WWOX: variants seen among roughly 807,000 people sequenced by gnomAD.
The protein encoded by WWOX is WW domain-containing oxidoreductase.
Under a neutral mutation model 46.2 loss-of-function variants are expected in WWOX, and 69 were observed. The observed-to-expected ratio is 1.49, with a 90% CI of 1.23 to 1.82. The LOEUF is 1.82. Among genes scored for constraint, WWOX ranks in the 40% most tolerant of loss-of-function variants. The pLI is 0.00. For missense variants in WWOX, 919 were observed against 542.6 expected (o/e 1.69, Z -6.89); for synonymous variants, 359 against 202.6 (o/e 1.77, Z -6.56).
chr16:78,817,769 C>T (rs183653963), intron 8 of WWOX, among the ~76,000 whole-genome samples: 33 of 152,252 alleles, frequency 2.2e-4, no homozygotes, highest in Admixed American at 1.3e-3. Flanking sequence ...CCTGAGATTG[C>T]GCCTCCTCAC....
At chr16:78,699,596 T>C (rs2048169913) in intron 8 of WWOX, among the ~76,000 whole-genome samples, 1 of 152,166 alleles carries the variant, frequency 6.6e-6, no homozygotes, top group African/African-American at 2.4e-5. Context: ...CGTGAATATA[T>C]GCTAACACAG....
At chr16:79,101,771 T>G (rs2049200729) in intron 8 of WWOX, 1 of 151,158 alleles carries the variant, frequency 6.6e-6, no homozygotes, top group Non-Finnish European at 1.5e-5. Context: ...GACTAATACT[T>G]CCTGCTTTCA....
chr16:78,317,871 G>A (rs949657558), intron 5 of WWOX, among the ~76,000 whole-genome samples: 4 of 152,112 alleles, frequency 2.6e-5, no homozygotes, highest in Non-Finnish European at 4.4e-5. Flanking sequence ...TTCACTCCCC[G>A]TAAACATCTT....
chr16:78,916,167 C>G (rs1037735489), intron 8 of WWOX, among the ~76,000 whole-genome samples: 1 of 152,102 alleles, frequency 6.6e-6, no homozygotes, highest in Non-Finnish European at 1.5e-5. Flanking sequence ...CAGCCGAATC[C>G]TAAACACGCT....
intron 8 of WWOX, among the ~76,000 whole-genome samples, chr16:78,776,921 C>T (rs2050205409): frequency 1.3e-5 from 2 of 152,192 alleles, no homozygotes; most frequent in African/African-American, 4.8e-5. Context: ...TCTCCCCTAA[C>T]ATGTGGGGAT....
intron 8 of WWOX, among the ~76,000 whole-genome samples, chr16:79,207,803 C>G (rs1239872353): frequency 3.3e-5 from 5 of 151,060 alleles, no homozygotes; most frequent in Non-Finnish European, 7.4e-5. Flanking sequence ...TTTTTCTTTA[C>G]CATATATTGT....
chr16:78,578,254 T>TTTTATATATATATATA (rs1462537260), intron 8 of WWOX, among the ~76,000 whole-genome samples: 3 of 31,630 alleles, frequency 9.5e-5, no homozygotes, highest in East Asian at 1.1e-3. Flanking sequence ...ATACCAAATT[T>TTTTATATATATATATA]TATATATATA....
chr16:78,532,634 C>G (rs182798621), intron 8 of WWOX, among the ~76,000 whole-genome samples: 5 of 152,256 alleles, frequency 3.3e-5, no homozygotes, highest in Admixed American at 6.5e-5. Flanking sequence ...ATTGGACTTA[C>G]AGTTCCTTGT....
chr16:79,158,084 G>A (rs939291256), intron 8 of WWOX, among the ~76,000 whole-genome samples: 5 of 152,162 alleles, frequency 3.3e-5, no homozygotes, highest in African/African-American at 1.2e-4. Flanking sequence ...GGAGATCCCA[G>A]ATGTCAAAGC....
chr16:78,702,160 G>T (rs1222050076), intron 8 of WWOX, among the ~76,000 whole-genome samples: 4 of 141,530 alleles, frequency 2.8e-5, no homozygotes, highest in South Asian at 4.4e-4. Context: ...TGCAACTGCA[G>T]TGTCAGCTAC....
chr16:78,986,182 CATTTAT>C (rs2046781039), intron 8 of WWOX, among the ~76,000 whole-genome samples: 1 of 152,182 alleles, frequency 6.6e-6, no homozygotes, highest in Non-Finnish European at 1.5e-5. Context: ...ATGAGTCACA[CATTTAT>C]ATTTTTACAT....
chr16:79,174,401 CTCTT>C (rs2050759752), intron 8 of WWOX, among the ~76,000 whole-genome samples: 1 of 152,196 alleles, frequency 6.6e-6, no homozygotes, highest in Admixed American at 6.5e-5. Context: ...GTAATCCCAG[CTCTT>C]TGGGAGGCTG....
At chr16:79,035,786 A>G (rs988869939) in intron 8 of WWOX, among the ~76,000 whole-genome samples, 5 of 152,058 alleles carry the variant, frequency 3.3e-5, no homozygotes, top group African/African-American at 1.2e-4. Context: ...TGTTCCAAGA[A>G]CAAAAGGCCA....
rs553178098 is a variant in WWOX at position 78,868,671 on chromosome 16, A to G, written c.1057-342937A>G. Reference sequence around the variant, plus strand: ...TTACTATCTGTCCAACAGTTTAGCAAGAGTCACTCTGAGATTGAAGAGAGG... The same window carrying G: ...TTACTATCTGTCCAACAGTTTAGCAGGAGTCACTCTGAGATTGAAGAGAGG... On this transcript the variant is annotated intron_variant, in intron 8 of 8. Coordinates refer to ENST00000566780, the MANE Select transcript of WWOX (RefSeq NM_016373.4). Among the ~76,000 whole-genome samples, 14 of 152,302 alleles carry G rather than the reference A, an allele frequency of 9.2e-5. No individual in the cohort carries two copies. In the South Asian group the frequency reaches 2.5e-3, roughly 27 times the overall value.
intron 8 of WWOX, among the ~76,000 whole-genome samples, chr16:78,661,316 T>G (rs1010497384): frequency 4.6e-5 from 7 of 152,136 alleles, no homozygotes; most frequent in African/African-American, 1.7e-4. Context: ...CACGCCATTT[T>G]TTAAAATTTA....
At chr16:79,018,982 C>G (rs775590167) in intron 8 of WWOX, among the ~76,000 whole-genome samples, 2 of 151,670 alleles carry the variant, frequency 1.3e-5, no homozygotes, top group African/African-American at 4.8e-5. Context: ...AAAACCCCAT[C>G]TCTACAAAAA....
At chr16:78,286,428 T>C (rs1236135088) in intron 5 of WWOX, among the ~76,000 whole-genome samples, 1 of 152,178 alleles carries the variant, frequency 6.6e-6, no homozygotes, top group Admixed American at 6.5e-5. Flanking sequence ...AAGGAAACAA[T>C]CCTCTGATTT....
intron 8 of WWOX, among the ~76,000 whole-genome samples, chr16:78,710,940 T>C (rs9940337): frequency 0.019 from 2,952 of 152,210 alleles, 91 homozygotes; most frequent in African/African-American, 0.067. Flanking sequence ...GAATTTTTTC[T>C]CCTTTCTTTT....
At chr16:79,002,054 T>G (rs975865664) in intron 8 of WWOX, among the ~76,000 whole-genome samples, 2 of 152,042 alleles carry the variant, frequency 1.3e-5, no homozygotes, top group Admixed American at 1.3e-4. Context: ...ATTGTAATGG[T>G]AAATTACACT....
Sources: allele counts gnomAD v4.1 joint callset (sites outside exome capture counted in the v4.1 genomes callset), GRCh38; gene constraint gnomAD v4.1.1; transcripts MANE v1.5; gene names NCBI Gene and HGNC (gene_info 2026-07-23, HGNC 2026-07-21).